The following HLCS variants were observed in gnomAD, a reference collection of about 807,000 sequenced individuals.
The protein encoded by HLCS is holocarboxylase synthetase.
Under a neutral mutation model 75.0 loss-of-function variants are expected in HLCS, and 53 were observed. The observed-to-expected ratio is 0.71, with a 90% confidence interval of 0.57 to 0.89. The LOEUF is 0.89. Ranked by LOEUF, HLCS falls within the 40% of genes least tolerant of loss-of-function variation. The pLI is 0.00. For missense variants in HLCS, 966 were observed against 1,074.0 expected, an observed-to-expected ratio of 0.90 and a Z score of 1.41; for synonymous variants, 431 against 428.6, an observed-to-expected ratio of 1.01 and a Z score of -0.07.
intron 6 of HLCS, among the ~76,000 whole-genome samples, chr21:36,806,447 T>C (rs1244732613): frequency 1.3e-5 from 2 of 151,794 alleles, no homozygotes; most frequent in African/African-American, 4.8e-5. Flanking sequence ...CTACAACTTT[T>C]GAAAGAAGCA....
chr21:36,862,690 T>A (rs1417574410), intron 6 of HLCS, among the ~76,000 whole-genome samples: 3 of 152,216 alleles, frequency 2.0e-5, no homozygotes, highest in African/African-American at 7.2e-5. Flanking sequence ...TGTGGTGTGG[T>A]CGCCTGTCTT....
At chr21:36,904,165 T>A (rs2065353772) in intron 5 of HLCS, among the ~76,000 whole-genome samples, 1 of 152,190 alleles carries the variant, frequency 6.6e-6, no homozygotes, top group African/African-American at 2.4e-5. Context: ...TGCATACACA[T>A]AACTACAAGA....
intron 6 of HLCS, among the ~76,000 whole-genome samples, chr21:36,820,088 C>A (rs1293091151): frequency 6.6e-6 from 1 of 152,236 alleles, no homozygotes; most frequent in African/African-American, 2.4e-5. Context: ...AACCAGCACC[C>A]CTCCCTCAGT....
rs376169401 is a variant in HLCS at position 36,882,004 on chromosome 21, C to T, written c.1892+14856G>A. On this transcript the variant is annotated intron_variant, in intron 6 of 10. Transcript: ENST00000674895. ...AGCAAGAGTGAGACTCCACGTCGGC[C>T]GGGCATGGTGGCTCACGCCTGTAAT... Among the ~76,000 whole-genome samples the T allele has an allele frequency of 1.1e-4, 17 of 151,840 alleles. No homozygotes were observed. In the East Asian group the frequency reaches 1.2e-3, roughly 10 times the overall value.
Position 36,894,199 on chromosome 21 carries a change from G to C in HLCS, c.1892+2661C>G, listed in dbSNP as rs575593226. Among the ~76,000 whole-genome samples, 3 of 152,222 alleles carry C rather than the reference G, an allele frequency of 2.0e-5. No homozygotes were observed. The South Asian group carries it at 6.2e-4, about 32-fold the overall frequency. On this transcript the variant is annotated intron_variant, in intron 6 of 10. Coordinates refer to ENST00000674895, the MANE Select transcript of HLCS (RefSeq NM_001352514.2). ...CTGCTTCCCCTTCACCTTCTGCAAC[G>C]ATTGTAAGTTTCCTGCGGCCTCCCC...
At chr21:36,981,717 A>C (rs2069125856) in intron 1 of HLCS, among the ~76,000 whole-genome samples, 1 of 151,972 alleles carries the variant, frequency 6.6e-6, no homozygotes, top group East Asian at 1.9e-4. Context: ...TCCTTTTCTA[A>C]AGGCACTACC....
intron 6 of HLCS, among the ~76,000 whole-genome samples, chr21:36,825,853 T>C (rs1003291675): frequency 6.6e-6 from 1 of 152,034 alleles, no homozygotes; most frequent in African/African-American, 2.4e-5. Flanking sequence ...CTTCAAACAA[T>C]GAAGAGGGGA....
chr21:36,983,991 A>G lies in HLCS; in HGVS notation c.-393+6167T>C, dbSNP rs770642406. ...GCTGATACTATATGCACAAACCACC[A>G]TTGCCTGCTAATTATTTTTGTATTT... is the stretch of plus-strand genomic sequence containing the variant. On this transcript the variant is annotated intron_variant, in intron 1 of 11. Coordinates refer to the HLCS transcript ENST00000336648. Among the ~76,000 whole-genome samples, 8 of 151,864 alleles carry G rather than the reference A, an allele frequency of 5.3e-5. 1 individual carries two copies. The highest frequency in any genetic ancestry group is 7.4e-5 in the Non-Finnish European group (5 of 67,976).
chr21:36,831,365 T>C (rs1259828011), intron 6 of HLCS, among the ~76,000 whole-genome samples: 1 of 152,080 alleles, frequency 6.6e-6, no homozygotes, highest in African/African-American at 2.4e-5. Flanking sequence ...AGGAAATAAA[T>C]TACATGTCTC....
At chr21:36,937,489 TG>T in intron 3 of HLCS, 97 bp from the exon 4 acceptor site, 1 of 1,105,928 alleles carries the variant, frequency 9.0e-7, no homozygotes, top group Middle Eastern at 2.8e-4. Flanking sequence ...CTCTGCATTC[TG>T]GGACTTACAT....
Position 36,754,377 on chromosome 21 carries a change from C to A in HLCS, c.2491G>T (p.Val831Leu). ...VHLGSAEGPK[V>L]SIVGLDDSGF... The stretch of plus-strand genomic sequence containing the variant: ...GAATCGTCCAGGCCAACGATGGACA[C>A]CTTTGGTCCCTCTGCGCTGCCCAGA... The change falls in exon 11 of 11, where the codon GTG becomes TTG. Residue 831 changes from valine to leucine, a missense_variant. Transcript: ENST00000674895. The A allele has an allele frequency of 6.2e-7, 1 of 1,613,826 alleles. No homozygotes were observed. Among genetic ancestry groups the A allele is most frequent in the Non-Finnish European group, 8.5e-7 (1 of 1,179,988 alleles).
chr21:36,802,610 T>C (rs1356004574), intron 6 of HLCS, among the ~76,000 whole-genome samples: 3 of 152,290 alleles, frequency 2.0e-5, no homozygotes, highest in South Asian at 2.1e-4. Context: ...AGCAGATGAG[T>C]GGCACAGCCA....
intron 6 of HLCS, among the ~76,000 whole-genome samples, chr21:36,852,859 A>G (rs1476964423): frequency 6.6e-6 from 1 of 152,172 alleles, no homozygotes. Flanking sequence ...GCCAGTGCAC[A>G]TCTCTGGTGC....
intron 6 of HLCS, among the ~76,000 whole-genome samples, chr21:36,830,953 A>G (rs1363164761): frequency 6.6e-6 from 1 of 151,840 alleles, no homozygotes; most frequent in Non-Finnish European, 1.5e-5. Flanking sequence ...GGGAGGAATC[A>G]CCCTAAGGCA....
At chr21:36,961,350 C>G (rs1234274374) in intron 2 of HLCS, among the ~76,000 whole-genome samples, 1 of 152,278 alleles carries the variant, frequency 6.6e-6, no homozygotes, top group South Asian at 2.1e-4. Context: ...AAGCCACACA[C>G]GTGGTTTTAA....
chr21:36,880,696 A>G (rs986781793), intron 6 of HLCS, among the ~76,000 whole-genome samples: 2 of 152,044 alleles, frequency 1.3e-5, no homozygotes, highest in Non-Finnish European at 1.5e-5. Flanking sequence ...CAGACCCCAC[A>G]CTCCGATTCC....
chr21:36,978,368 A>AC (rs112122590), intron 1 of HLCS, among the ~76,000 whole-genome samples: 4,950 of 152,100 alleles, frequency 0.033, 217 homozygotes, highest in African/African-American at 0.097. Context: ...ATGGTGGTGC[A>AC]ACGTAGTCCC....
intron 6 of HLCS, among the ~76,000 whole-genome samples, chr21:36,826,346 G>A (rs756411016): frequency 1.3e-5 from 2 of 152,118 alleles, no homozygotes; most frequent in African/African-American, 4.8e-5. Context: ...AGTGAGATAC[G>A]TGGATCTCCA....
intron 5 of HLCS, among the ~76,000 whole-genome samples, chr21:36,903,484 C>G (rs145405344): frequency 3.1e-4 from 47 of 152,122 alleles, no homozygotes; most frequent in African/African-American, 1.1e-3. Context: ...GGTTAAATCA[C>G]AAAAACAGAA....
Sources: gnomAD v4.1 joint callset for allele counts (sites outside exome capture counted in the v4.1 genomes callset) on GRCh38, gnomAD v4.1.1 for gene constraint, MANE v1.5 for transcripts, NCBI Gene and HGNC (gene_info 2026-07-23, HGNC 2026-07-21) for gene names.